SOX6: variants seen among roughly 807,000 people sequenced by gnomAD.
SOX6 encodes the protein transcription factor SOX-6.
SOX6 carries 11 observed loss-of-function variants against 97.8 expected under a neutral mutation model. The ratio of observed to expected loss-of-function variants is 0.11; its 90% CI spans 0.07 to 0.19. The LOEUF (loss-of-function observed/expected upper bound fraction) is 0.19, where lower values mean the gene tolerates loss of function less well. Ranked by LOEUF, SOX6 falls within the 10% of genes least tolerant of loss-of-function variation. SOX6 has a pLI of 1.00. For synonymous variants in SOX6, 360 were observed against 371.4 expected (o/e 0.97, Z 0.35); for missense variants, 810 against 1,039.5 (o/e 0.78, Z 3.04).
chr11:16,166,269 T>C (rs1175786318), intron 6 of SOX6, among the ~76,000 whole-genome samples: 1 of 152,228 alleles, frequency 6.6e-6, no homozygotes, highest in South Asian at 2.1e-4. Context: ...CCGAATTGGA[T>C]AGACTTTACC....
chr11:16,139,272 C>G (rs1204179341), intron 6 of SOX6, among the ~76,000 whole-genome samples: 1 of 152,036 alleles, frequency 6.6e-6, no homozygotes, highest in Non-Finnish European at 1.5e-5. Flanking sequence ...GTTCTTTATC[C>G]AGCTCTCACC....
intron 3 of SOX6, among the ~76,000 whole-genome samples, chr11:16,302,726 C>T (rs1855301484): frequency 1.3e-5 from 2 of 151,880 alleles, no homozygotes; most frequent in African/African-American, 4.8e-5. Flanking sequence ...TGCGCCACCA[C>T]ACCCAACTAA....
At chr11:16,305,226 C>T (rs1045473308) in intron 3 of SOX6, among the ~76,000 whole-genome samples, 2 of 152,048 alleles carry the variant, frequency 1.3e-5, no homozygotes, top group Non-Finnish European at 2.9e-5. Context: ...AAAAATAAAA[C>T]AATCCAATTA....
At chr11:16,490,557 A>G (rs993305293) in intron 4 of SOX6, among the ~76,000 whole-genome samples, 4 of 152,072 alleles carry the variant, frequency 2.6e-5, no homozygotes, top group East Asian at 3.8e-4. Context: ...GAAAACTATA[A>G]TATCAGACAA....
chr11:16,501,313 G>T (rs1860702580), intron 4 of SOX6, among the ~76,000 whole-genome samples: 1 of 148,754 alleles, frequency 6.7e-6, no homozygotes, highest in African/African-American at 2.4e-5. Context: ...ATTAATTCAA[G>T]ATGGATTAAA....
chr11:16,643,866 G>A (rs941356900), intron 3 of SOX6, among the ~76,000 whole-genome samples: 3 of 152,222 alleles, frequency 2.0e-5, no homozygotes, highest in Non-Finnish European at 4.4e-5. Flanking sequence ...CCTGGGTGAG[G>A]CAATGCCTTG....
At chr11:16,051,459 G>T (rs1445785091) in intron 10 of SOX6, among the ~76,000 whole-genome samples, 1 of 152,036 alleles carries the variant, frequency 6.6e-6, no homozygotes, top group Non-Finnish European at 1.5e-5. Flanking sequence ...TTTTTTGTGT[G>T]TGTTCATAGG....
At chr11:16,063,497 TATATATATATATATATATATATATA>T (rs1564933194) in intron 9 of SOX6, among the ~76,000 whole-genome samples, 3 of 9,538 alleles carry the variant, frequency 3.1e-4, no homozygotes, top group African/African-American at 3.8e-4. Context: ...ACCATAATTT[TATATATATATATATATATATATATA>T]TATATATATA....
chr11:16,246,532 AT>A (rs1334937141), intron 3 of SOX6, among the ~76,000 whole-genome samples: 1 of 151,760 alleles, frequency 6.6e-6, no homozygotes, highest in East Asian at 1.9e-4. Flanking sequence ...GTAGGTTGCA[AT>A]TTTTTTAGGA....
chr11:16,736,497 T>A (rs1362620561), intron 1 of SOX6: 1 of 152,248 alleles, frequency 6.6e-6, no homozygotes, highest in East Asian at 1.9e-4. Context: ...AAAGACATGT[T>A]GCTAGCTCAT....
intron 3 of SOX6, among the ~76,000 whole-genome samples, chr11:16,684,953 G>A (rs946943984): frequency 3.3e-5 from 5 of 152,130 alleles, no homozygotes; most frequent in Non-Finnish European, 5.9e-5. Context: ...GTCACATGGC[G>A]AGAATGGGAG....
chr11:16,539,334 A>G (rs1237742823), intron 4 of SOX6, among the ~76,000 whole-genome samples: 3 of 152,200 alleles, frequency 2.0e-5, no homozygotes, highest in African/African-American at 7.2e-5. Context: ...GTAGAGGGAA[A>G]TTTATAGCAC....
intron 2 of SOX6, among the ~76,000 whole-genome samples, chr11:16,332,667 G>T (rs956951850): frequency 2.0e-5 from 3 of 151,988 alleles, no homozygotes; most frequent in Admixed American, 6.6e-5. Context: ...ATTAGCAAAG[G>T]TTTGTAATTT....
chr11:16,180,678 G>GT, intron 6 of SOX6, among the ~76,000 whole-genome samples: 1 of 151,638 alleles, frequency 6.6e-6, no homozygotes, highest in South Asian at 2.1e-4. Context: ...TTATTAAAAG[G>GT]TAAAAATGGA....
chr11:16,618,324 A>G (rs1301421447), intron 3 of SOX6, among the ~76,000 whole-genome samples: 1 of 151,998 alleles, frequency 6.6e-6, no homozygotes, highest in Non-Finnish European at 1.5e-5. Flanking sequence ...ACTTAAGTCT[A>G]TATTTATCAT....
At chr11:16,719,410 T>C (rs1848242413) in intron 2 of SOX6, among the ~76,000 whole-genome samples, 1 of 152,168 alleles carries the variant, frequency 6.6e-6, no homozygotes, top group South Asian at 2.1e-4. Context: ...TAGAATCAGA[T>C]AATCCCTGGA....
intron 4 of SOX6, among the ~76,000 whole-genome samples, chr11:16,520,713 C>G (rs551426970): frequency 6.6e-6 from 1 of 152,316 alleles, no homozygotes; most frequent in East Asian, 1.9e-4. Context: ...TCAGGGAGTT[C>G]CCTTTCCCAG....
At chr11:16,400,935 A>G (rs995355958) in intron 1 of SOX6, among the ~76,000 whole-genome samples, 3 of 151,490 alleles carry the variant, frequency 2.0e-5, no homozygotes, top group African/African-American at 4.8e-5. Flanking sequence ...GGTGCCAAAA[A>G]CAAACCATGG....
intron 4 of SOX6, among the ~76,000 whole-genome samples, chr11:16,508,796 A>C (rs952743907): frequency 6.6e-6 from 1 of 152,144 alleles, no homozygotes; most frequent in African/African-American, 2.4e-5. Context: ...TATCATTAAC[A>C]ACAATGTATT....
Sources: allele counts gnomAD v4.1 joint callset (sites outside exome capture counted in the v4.1 genomes callset), GRCh38; gene constraint gnomAD v4.1.1; transcripts MANE v1.5; gene names NCBI Gene and HGNC (gene_info 2026-07-23, HGNC 2026-07-21).